HEATR5A: variants seen among roughly 807,000 people sequenced by gnomAD.
HEATR5A encodes the protein HEAT repeat containing 5A.
HEATR5A carries 178 observed loss-of-function variants against 218.8 expected under a neutral mutation model. The observed-to-expected ratio is 0.81, with a 90% CI of 0.72 to 0.92. The LOEUF is 0.92. Ranked by LOEUF, HEATR5A falls within the 40% of genes least tolerant of loss-of-function variation. HEATR5A has a pLI of 0.00. For synonymous variants in HEATR5A, 864 were observed against 871.6 expected (o/e 0.99, Z 0.15); for missense variants, 2,420 against 2,418.9 (o/e 1.00, Z -0.01).
At position 31,394,591 on chromosome 14, in the gene HEATR5A, G is replaced by A. The variant is rs563654397; in HGVS notation, c.598-365C>T. Among the ~76,000 whole-genome samples the A allele has an allele frequency of 2.2e-3, 334 of 152,158 alleles. 1 individual carries two copies. The highest frequency in any genetic ancestry group is 7.3e-3 in the African/African-American group (304 of 41,512). ...AGCACTTTGGGAGGCCAAGGCGGGC[G>A]GATCACGAGGTCAGGAGATAGAGAC... On this transcript the variant is annotated intron_variant, in intron 5 of 35. Coordinates refer to ENST00000543095, the MANE Select transcript of HEATR5A (RefSeq NM_015473.4).
intron 2 of HEATR5A, among the ~76,000 whole-genome samples, chr14:31,401,051 G>A (rs967714174): frequency 5.9e-5 from 9 of 152,044 alleles, no homozygotes; most frequent in Non-Finnish European, 7.4e-5. Flanking sequence ...GTGTTAGCCA[G>A]GATGGTCTCG....
chr14:31,320,152 T>G (rs928924735), intron 25 of HEATR5A: 5 of 433,778 alleles, frequency 1.2e-5, no homozygotes, highest in African/African-American at 1.0e-4. Flanking sequence ...ATGGTAAAGC[T>G]TAGCACACCC....
At chr14:31,396,229 A>G (rs2378860) in intron 4 of HEATR5A, among the ~76,000 whole-genome samples, 133,349 of 151,960 alleles carry the variant, frequency 0.88, 60,365 homozygotes, top group Non-Finnish European at 1. Flanking sequence ...GTTAGTGCAC[A>G]TCTCTAGAAC....
At chr14:31,311,192 G>C (rs549229083) in intron 28 of HEATR5A, among the ~76,000 whole-genome samples, 5 of 151,976 alleles carry the variant, frequency 3.3e-5, no homozygotes, top group African/African-American at 1.2e-4. Context: ...GATTAAGAGC[G>C]GCTACAAAGT....
chr14:31,407,518 C>T (rs1595184402), intron 1 of HEATR5A, among the ~76,000 whole-genome samples: 1 of 127,754 alleles, frequency 7.8e-6, no homozygotes, highest in African/African-American at 2.9e-5. Flanking sequence ...CTAGCAACTT[C>T]TAGACCTAAG....
At chr14:31,334,037 C>CAAAAAAAAAAAAAAAAAAAA in intron 22 of HEATR5A, among the ~76,000 whole-genome samples, 1 of 87,920 alleles carries the variant, frequency 1.1e-5, no homozygotes, top group Non-Finnish European at 2.1e-5. Context: ...GACCCTGTCT[C>CAAAAAAAAAAAAAAAAAAAA]AAAAAAAAAA....
intron 3 of HEATR5A, 49 bp downstream of exon 3, chr14:31,400,252 A>C: frequency 8.0e-7 from 1 of 1,255,130 alleles, no homozygotes; most frequent in Non-Finnish European, 1.1e-6. Flanking sequence ...ATAAAAATAC[A>C]ACAGGAAGCA....
chr14:31,400,956 C>A (rs1308118956), intron 2 of HEATR5A, among the ~76,000 whole-genome samples: 1 of 151,816 alleles, frequency 6.6e-6, no homozygotes, highest in East Asian at 1.9e-4. Context: ...TCTCCTGGCT[C>A]AGCCTCCCGA....
chr14:31,371,587 T>C (rs1466612394), intron 13 of HEATR5A: 5 of 332,096 alleles, frequency 1.5e-5, no homozygotes, highest in Non-Finnish European at 1.1e-5. Flanking sequence ...TAATTTCTTG[T>C]TAAATCTGCC....
chr14:31,322,625 C>A (rs10151215), intron 24 of HEATR5A, among the ~76,000 whole-genome samples: 2,401 of 151,824 alleles, frequency 0.016, 54 homozygotes, highest in African/African-American at 0.055. Flanking sequence ...TTGAGACAGC[C>A]TGGGCAACAT....
chr14:31,414,362 T>C (rs1421573559), intron 1 of HEATR5A, among the ~76,000 whole-genome samples: 1 of 152,216 alleles, frequency 6.6e-6, no homozygotes, highest in Non-Finnish European at 1.5e-5. Flanking sequence ...CATCAAAGCC[T>C]ATTCATTCTT....
At chr14:31,358,557 C>T (rs939115750) in intron 16 of HEATR5A, 80 bp downstream of exon 16, 46 of 1,230,296 alleles carry the variant, frequency 3.7e-5, no homozygotes, top group South Asian at 1.5e-4. Context: ...AAATCATTTA[C>T]GCTAATGAGA....
chr14:31,364,105 A>G (rs940509638), intron 14 of HEATR5A, 84 bp downstream of exon 14: 1 of 585,568 alleles, frequency 1.7e-6, no homozygotes, highest in Admixed American at 3.4e-5. Context: ...TAATTCATTT[A>G]AATATTTAAT....
At chr14:31,368,773 G>C (rs1252617897) in intron 13 of HEATR5A, among the ~76,000 whole-genome samples, 1 of 151,168 alleles carries the variant, frequency 6.6e-6, no homozygotes, top group Non-Finnish European at 1.5e-5. Flanking sequence ...TGTTGCTCAG[G>C]CTGGTCTCAA....
rs1470341637 is a variant in HEATR5A at position 31,323,657 on chromosome 14, CATT to C, written c.3692_3694del (p.Glu1231_Cys1232delinsGly). 1 of 1,613,342 alleles carries C rather than the reference CATT, an allele frequency of 6.2e-7. No homozygotes were observed. Among genetic ancestry groups the C allele is most frequent in the Non-Finnish European group, 8.5e-7 (1 of 1,179,568 alleles). On this transcript the variant is annotated inframe_deletion, in exon 24 of 36. Transcript: ENST00000543095. ...ACATTGGTTAATTATCCTACAGACA[CATT>C]CAGCAGCAAAGACTCTAGTAGCCCA...
intron 1 of HEATR5A, among the ~76,000 whole-genome samples, chr14:31,408,384 T>C (rs2031152936): frequency 6.6e-6 from 1 of 152,202 alleles, no homozygotes; most frequent in Admixed American, 6.5e-5. Flanking sequence ...TTATGCATAA[T>C]AGAAGGCAAA....
At chr14:31,356,826 A>G (rs1007189718) in intron 16 of HEATR5A, among the ~76,000 whole-genome samples, 2 of 152,238 alleles carry the variant, frequency 1.3e-5, no homozygotes, top group African/African-American at 4.8e-5. Flanking sequence ...CACTTTTTTA[A>G]GAGGAAAGGC....
At chr14:31,345,431 A>G (rs930841065) in intron 19 of HEATR5A, among the ~76,000 whole-genome samples, 155 bp from the exon 20 acceptor site, 1 of 152,254 alleles carries the variant, frequency 6.6e-6, no homozygotes, top group Non-Finnish European at 1.5e-5. Context: ...CTTCCAACTC[A>G]GAGGCAATCA....
At chr14:31,302,938 CAAAAAAAAAAAAAA>C (rs747481722) in intron 32 of HEATR5A, among the ~76,000 whole-genome samples, 1 of 102,200 alleles carries the variant, frequency 9.8e-6, no homozygotes, top group Non-Finnish European at 1.9e-5. Flanking sequence ...TTCATCTTTA[CAAAAAAAAAAAAAA>C]AAAAAAAAAA....
Sources: gnomAD v4.1 joint callset for allele counts (sites outside exome capture counted in the v4.1 genomes callset) on GRCh38, gnomAD v4.1.1 for gene constraint, MANE v1.5 for transcripts, NCBI Gene and HGNC (gene_info 2026-07-23, HGNC 2026-07-21) for gene names.